Variants in SAMMSON observed in about 807,000 individuals in gnomAD.
The protein encoded by SAMMSON is survival associated mitochondrial melanoma specific oncogenic non-coding RNA.
intron 7 of SAMMSON, among the ~76,000 whole-genome samples, chr3:70,304,745 G>A (rs1251548941): frequency 2.0e-5 from 3 of 152,064 alleles, no homozygotes; most frequent in African/African-American, 7.2e-5. Flanking sequence ...TTTACCTCAT[G>A]CAATATAAAT....
chr3:70,223,235 C>T (rs754764927), intron 4 of SAMMSON, among the ~76,000 whole-genome samples: 3 of 152,054 alleles, frequency 2.0e-5, no homozygotes, highest in Non-Finnish European at 4.4e-5. Flanking sequence ...TATTTGTGAG[C>T]CACAAAGCAA....
intron 6 of SAMMSON, among the ~76,000 whole-genome samples, chr3:70,257,786 G>A (rs1242471628): frequency 6.6e-6 from 1 of 152,144 alleles, no homozygotes; most frequent in Non-Finnish European, 1.5e-5. Flanking sequence ...CCCAGCAGCA[G>A]GCATGTGTAG....
At chr3:70,144,727 TG>T (rs1369965068) in intron 4 of SAMMSON, among the ~76,000 whole-genome samples, 2 of 152,114 alleles carry the variant, frequency 1.3e-5, no homozygotes, top group African/African-American at 4.8e-5. Context: ...TGATAATGAA[TG>T]GGTCTCACAA....
At chr3:70,414,146 T>G (rs1250422364) in intron 2 of SAMMSON, among the ~76,000 whole-genome samples, 2 of 152,124 alleles carry the variant, frequency 1.3e-5, no homozygotes, top group Non-Finnish European at 1.5e-5. Context: ...TTAAGCAGTT[T>G]GTAAAGTCTT....
chr3:70,020,187 A>G (rs973942057), intron 3 of SAMMSON, among the ~76,000 whole-genome samples: 17 of 152,162 alleles, frequency 1.1e-4, no homozygotes, highest in African/African-American at 4.1e-4. Context: ...TTTGCAGAAA[A>G]GAGTACTAAA....
intron 7 of SAMMSON, among the ~76,000 whole-genome samples, chr3:70,326,043 A>G (rs1038360749): frequency 1.3e-5 from 2 of 152,154 alleles, no homozygotes; most frequent in African/African-American, 2.4e-5. Context: ...ATTTTATTTC[A>G]GTCAAAGCCT....
intron 7 of SAMMSON, chr3:70,312,036 G>A (rs1275330788): frequency 2.5e-6 from 1 of 396,168 alleles, no homozygotes; most frequent in East Asian, 3.6e-5. Flanking sequence ...ATAACATCGA[G>A]TTTTATATTT....
chr3:70,142,021 T>C (rs1191553681), intron 4 of SAMMSON, among the ~76,000 whole-genome samples: 1 of 151,842 alleles, frequency 6.6e-6, no homozygotes, highest in East Asian at 1.9e-4. Flanking sequence ...AATAAAAAAA[T>C]GAAAAAATAA....
At chr3:70,222,381 G>T (rs1463153944) in intron 4 of SAMMSON, among the ~76,000 whole-genome samples, 1 of 152,008 alleles carries the variant, frequency 6.6e-6, no homozygotes, top group African/African-American at 2.4e-5. Flanking sequence ...TTTTATTTTT[G>T]TCAAATGAGT....
chr3:70,386,438 G>GA (rs546855634), intron 9 of SAMMSON, among the ~76,000 whole-genome samples: 1 of 151,764 alleles, frequency 6.6e-6, no homozygotes, highest in African/African-American at 2.4e-5. Flanking sequence ...TATGTAAAAT[G>GA]AAAAAAAATA....
chr3:70,256,389 T>C (rs1295394452), intron 6 of SAMMSON, among the ~76,000 whole-genome samples: 2 of 152,198 alleles, frequency 1.3e-5, no homozygotes, highest in Admixed American at 1.3e-4. Context: ...CTAAGATTCC[T>C]TTAAAATGCC....
intron 6 of SAMMSON, among the ~76,000 whole-genome samples, chr3:70,256,885 G>A (rs898116377): frequency 6.6e-5 from 10 of 152,274 alleles, no homozygotes; most frequent in Non-Finnish European, 1.5e-4. Flanking sequence ...TCTGTAGATG[G>A]ATGCTTGGGA....
At chr3:70,023,343 C>G (rs1329549062) in intron 3 of SAMMSON, among the ~76,000 whole-genome samples, 1 of 151,814 alleles carries the variant, frequency 6.6e-6, no homozygotes, top group Non-Finnish European at 1.5e-5. Flanking sequence ...CGCCTTTAGT[C>G]TCAGCTACTT....
At chr3:70,315,129 T>A (rs1196364097) in intron 7 of SAMMSON, among the ~76,000 whole-genome samples, 1 of 152,192 alleles carries the variant, frequency 6.6e-6, no homozygotes, top group East Asian at 1.9e-4. Context: ...AAGAGTTTAT[T>A]CTGAAGAGGA....
At chr3:70,147,034 T>C (rs1469286517) in intron 4 of SAMMSON, among the ~76,000 whole-genome samples, 1 of 151,856 alleles carries the variant, frequency 6.6e-6, no homozygotes, top group Non-Finnish European at 1.5e-5. Context: ...CATTGAAAAA[T>C]AGGAAACCAA....
chr3:70,346,926 G>A (rs1255683091), intron 7 of SAMMSON, among the ~76,000 whole-genome samples: 1 of 152,110 alleles, frequency 6.6e-6, no homozygotes, highest in Non-Finnish European at 1.5e-5. Flanking sequence ...TTTCTGATAT[G>A]CACAAGCTGA....
chr3:70,010,181 TC>T (rs976598624), intron 1 of SAMMSON, among the ~76,000 whole-genome samples: 1 of 152,026 alleles, frequency 6.6e-6, no homozygotes, highest in African/African-American at 2.4e-5. Context: ...TGAGTTCAAT[TC>T]CTGGATATCC....
chr3:70,036,438 C>T (rs4855334), intron 3 of SAMMSON, among the ~76,000 whole-genome samples: 64,403 of 151,950 alleles, frequency 0.42, 14,200 homozygotes, highest in East Asian at 0.62. Context: ...CAGATGAAGG[C>T]TTTTGTTCTC....
At chr3:70,338,050 A>G (rs1702680299) in intron 7 of SAMMSON, among the ~76,000 whole-genome samples, 1 of 151,668 alleles carries the variant, frequency 6.6e-6, no homozygotes, top group African/African-American at 2.4e-5. Context: ...ACCAAAATTT[A>G]TAATACATTT....
Sources: gnomAD v4.1 joint callset for allele counts (sites outside exome capture counted in the v4.1 genomes callset) on GRCh38, gnomAD v4.1.1 for gene constraint, MANE v1.5 for transcripts, NCBI Gene and HGNC (gene_info 2026-07-23, HGNC 2026-07-21) for gene names.